The following KATNB1 variants were observed in gnomAD, a reference collection of about 807,000 sequenced individuals.
KATNB1 encodes katanin regulatory subunit B1.
In KATNB1, 38 loss-of-function variants were observed where a neutral mutation model predicts 82.3. The observed-to-expected ratio is 0.46, with a 90% confidence interval of 0.36 to 0.61. The LOEUF (loss-of-function observed/expected upper bound fraction) is 0.61. KATNB1 is among the 20% of genes least tolerant of loss of function. KATNB1 has a pLI of 0.00. For missense variants in KATNB1, 749 were observed against 915.7 expected (o/e 0.82, Z 2.35); for synonymous variants, 361 against 368.7 (o/e 0.98, Z 0.24).
chr16:57,757,021 C>T lies in KATNB1; in HGVS notation c.*75C>T, dbSNP rs2049298622. ...CCCCCACTCCTGTTCCTTGTGCACC[C>T]ACTGGCCCATGAGCCTCTGCCTGGC... On this transcript the variant is annotated 3_prime_UTR_variant, in exon 20 of 20. Coordinates refer to ENST00000379661, the MANE Select transcript of KATNB1 (RefSeq NM_005886.3). The T allele has an allele frequency of 7.2e-7, 1 of 1,391,912 alleles. No individual in the cohort carries two copies. The highest frequency in any genetic ancestry group is 1.5e-5 in the African/African-American group (1 of 68,352). The allele number at this position is 1,391,912 out of a possible 1,614,324, so 86.2% of individuals were successfully genotyped here. A position where few individuals can be genotyped will look rare whatever the true frequency, so the allele number is the denominator to read the frequency against.
rs1045451670 is a variant in KATNB1, at chr16:57,757,017, C to T, written c.*71C>T. The T allele has an allele frequency of 2.9e-6, 4 of 1,401,740 alleles. No homozygotes were observed. The African/African-American group carries it at 4.4e-5, about 15-fold the overall frequency. The allele number at this position is 1,401,740 out of a possible 1,614,324, so 86.8% of individuals were successfully genotyped here. On this transcript the variant is annotated 3_prime_UTR_variant, in exon 20 of 20. Coordinates refer to ENST00000379661, the MANE Select transcript of KATNB1 (RefSeq NM_005886.3). ...TCAGCCCCCACTCCTGTTCCTTGTG[C>T]ACCCACTGGCCCATGAGCCTCTGCC...
intron 2 of KATNB1, among the ~76,000 whole-genome samples, chr16:57,739,992 A>G (rs2049130239): frequency 6.6e-6 from 1 of 152,106 alleles, no homozygotes; most frequent in South Asian, 2.1e-4. Context: ...AGGGGGAGCG[A>G]GCAGTGCCTC....
chr16:57,740,023 C>T (rs1439019566), intron 2 of KATNB1, among the ~76,000 whole-genome samples: 2 of 152,196 alleles, frequency 1.3e-5, no homozygotes, highest in African/African-American at 4.8e-5. Flanking sequence ...ACACCAGGCT[C>T]GGGCACGGAA....
chr16:57,748,709 C>T (rs1389215951), intron 4 of KATNB1, among the ~76,000 whole-genome samples: 4 of 152,150 alleles, frequency 2.6e-5, no homozygotes, highest in African/African-American at 7.2e-5. Context: ...GGAGTCAAGC[C>T]GGAAGAATGT....
chr16:57,755,486 G>A lies in KATNB1; in HGVS notation c.1558G>A (p.Asp520Asn), dbSNP rs145389285. The change falls in exon 16 of 20, where the codon GAC becomes AAC. Residue 520 changes from aspartate to asparagine, a missense_variant. Physicochemically the swap from Asp to Asn is conservative, Grantham distance 23 (BLOSUM62 1). Coordinates refer to ENST00000379661, the MANE Select transcript of KATNB1 (RefSeq NM_005886.3). Reference protein sequence around the residue: ...DTVRAVWTMGDIKTSVDSAVA... With the variant: ...DTVRAVWTMGNIKTSVDSAVA... ...TGTGCGGGCTGTGTGGACCATGGGC[G>A]ACATCAAGGCAAGTGCCCACCCTTG... 788 of 1,612,494 alleles carry A rather than the reference G, an allele frequency of 4.9e-4. 1 individual carries two copies. Among genetic ancestry groups the A allele is most frequent in the Non-Finnish European group, 6.1e-4 (722 of 1,179,534 alleles).
intron 9 of KATNB1, 87 bp downstream of exon 9, chr16:57,752,688 C>T (rs1018496948): frequency 1.1e-5 from 17 of 1,552,126 alleles, no homozygotes; most frequent in African/African-American, 2.7e-5. Context: ...TCCGCTGCTG[C>T]GCCCTCCCTG....
intron 3 of KATNB1, 123 bp downstream of exon 3, chr16:57,741,940 TGGGGC>T: frequency 8.5e-7 from 1 of 1,177,772 alleles, no homozygotes; most frequent in Non-Finnish European, 1.2e-6. Context: ...CCCTATCCGC[TGGGGC>T]CCAGCTCAGG....
Position 57,755,507 on chromosome 16 carries a change from C to G in KATNB1, c.1566+13C>G, listed in dbSNP as rs201454096. 55 of 1,609,090 alleles carry G rather than the reference C, an allele frequency of 3.4e-5. No homozygotes were observed. In the Admixed American group the frequency reaches 9.0e-4, roughly 26 times the overall value. On this transcript the variant is annotated intron_variant, in intron 16 of 19. Coordinates refer to ENST00000379661, the MANE Select transcript of KATNB1 (RefSeq NM_005886.3). ...GGGCGACATCAAGGCAAGTGCCCAC[C>G]CTTGCACAGGGCCTCATCTCGCCCC... is the stretch of plus-strand genomic sequence containing the variant.
At position 57,751,252 on chromosome 16, in the gene KATNB1, C is replaced by T; in HGVS notation, c.391-9C>T. 2 of 1,613,552 alleles carry T rather than the reference C, an allele frequency of 1.2e-6. No homozygotes were observed. The highest frequency in any genetic ancestry group is 1.7e-6 in the Non-Finnish European group (2 of 1,179,538). ...TGACTCTGCCCCTCTGCTTCTCTCT[C>T]CCCCACAGCTCTGGGACATCAGGAG... On this transcript the variant is annotated splice_polypyrimidine_tract_variant and intron_variant, in intron 5 of 19. Transcript: ENST00000379661. The surrounding 1 kb of genome is among the most constrained non-coding windows in gnomAD (Gnocchi z 6.3).
intron 1 of KATNB1, chr16:57,736,624 C>T (rs2049101843): frequency 1.0e-5 from 2 of 197,736 alleles, no homozygotes; most frequent in Non-Finnish European, 2.1e-5. Flanking sequence ...ACTCCGCTCT[C>T]CCACATCCCA....
chr16:57,749,109 G>A (rs2049205262), intron 4 of KATNB1, among the ~76,000 whole-genome samples: 1 of 152,262 alleles, frequency 6.6e-6, no homozygotes, highest in Non-Finnish European at 1.5e-5. Flanking sequence ...GCCAGACAGG[G>A]CCAGCTGCAG....
chr16:57,737,367 T>C, intron 2 of KATNB1, 84 bp downstream of exon 2: 2 of 1,510,656 alleles, frequency 1.3e-6, no homozygotes, highest in Middle Eastern at 1.7e-4. Flanking sequence ...CAGCTTTGTT[T>C]CCTGTTCTTG....
At chr16:57,749,053 C>T (rs1239392029) in intron 4 of KATNB1, among the ~76,000 whole-genome samples, 1 of 152,200 alleles carries the variant, frequency 6.6e-6, no homozygotes, top group African/African-American at 2.4e-5. Context: ...GATATGCATT[C>T]GACAGACTCC....
intron 19 of KATNB1, 24 bp downstream of exon 19, chr16:57,756,496 G>T (rs1555586665): frequency 1.9e-6 from 3 of 1,591,158 alleles, no homozygotes; most frequent in South Asian, 2.2e-5. Flanking sequence ...ATGTGTTGGG[G>T]GCAGGGGTGC....
intron 4 of KATNB1, among the ~76,000 whole-genome samples, chr16:57,746,520 G>C (rs1224752594): frequency 6.6e-6 from 1 of 152,236 alleles, no homozygotes; most frequent in Admixed American, 6.5e-5. Context: ...TCAGTTCTGG[G>C]CTGAGCGGAG....
At chr16:57,756,095 AAGC>A (rs782643410) in intron 18 of KATNB1, 29 bp downstream of exon 18, 2 of 1,599,900 alleles carry the variant, frequency 1.3e-6, no homozygotes, top group Non-Finnish European at 1.7e-6. Context: ...TGCCTGCCTG[AAGC>A]AGGGGGAGGG....
chr16:57,755,600 G>A, intron 16 of KATNB1, 106 bp downstream of exon 16: 3 of 1,433,932 alleles, frequency 2.1e-6, no homozygotes, highest in South Asian at 1.3e-5. Flanking sequence ...GGGGGACAGT[G>A]TGGGATAGGC....
intron 18 of KATNB1, 95 bp from the exon 19 acceptor site, chr16:57,756,261 T>C: frequency 8.2e-7 from 1 of 1,220,666 alleles, no homozygotes; most frequent in Non-Finnish European, 1.2e-6. Context: ...TGTGTCTGTG[T>C]CTGTTTCTGC....
chr16:57,746,953 C>T (rs1341640794), intron 4 of KATNB1, among the ~76,000 whole-genome samples: 1 of 152,196 alleles, frequency 6.6e-6, no homozygotes, highest in Admixed American at 6.5e-5. Context: ...GTAATCTCAG[C>T]TCACTGCAAC....
Sources: gnomAD v4.1 joint callset for allele counts (sites outside exome capture counted in the v4.1 genomes callset) on GRCh38, gnomAD v4.1.1 for gene constraint, Gnocchi (gnomAD v3.1) non-coding constraint, MANE v1.5 for transcripts, NCBI Gene and HGNC (gene_info 2026-07-23, HGNC 2026-07-21) for gene names.